Variants in PKP4 observed in about 807,000 individuals in gnomAD.
PKP4 encodes plakophilin 4.
Under a neutral mutation model 145.1 loss-of-function variants are expected in PKP4, and 90 were observed. The observed-to-expected ratio is 0.62, with a 90% confidence interval of 0.52 to 0.74. PKP4 has a LOEUF of 0.74. PKP4 is among the 30% of genes least tolerant of loss of function. The pLI is 0.00. For missense variants in PKP4, 1,340 were observed against 1,482.7 expected (o/e 0.90, Z 1.58); for synonymous variants, 563 against 577.2 (o/e 0.98, Z 0.35).
At chr2:158,500,638 C>T (rs369004733) in intron 1 of PKP4, among the ~76,000 whole-genome samples, 4 of 152,150 alleles carry the variant, frequency 2.6e-5, no homozygotes, top group Admixed American at 6.5e-5. Flanking sequence ...AGCCACAGAG[C>T]GCACAACAGC....
At chr2:158,517,471 T>C (rs752663910) in intron 1 of PKP4, among the ~76,000 whole-genome samples, 3 of 152,216 alleles carry the variant, frequency 2.0e-5, no homozygotes, top group Non-Finnish European at 1.5e-5. Flanking sequence ...TTGTAGTTTG[T>C]TAATTTGTCT....
chr2:158,661,598 G>A (rs1575045444), intron 13 of PKP4, 148 bp downstream of exon 13: 1 of 601,902 alleles, frequency 1.7e-6, no homozygotes, highest in East Asian at 2.9e-5. Context: ...AGTCTCCAAA[G>A]TTACAGGGGC....
chr2:158,541,912 C>G (rs1039827199), intron 2 of PKP4, among the ~76,000 whole-genome samples: 2 of 152,088 alleles, frequency 1.3e-5, no homozygotes, highest in African/African-American at 4.8e-5. Flanking sequence ...TGCCTATGGC[C>G]TTCTAATAAA....
chr2:158,486,724 A>C (rs1373033981), intron 1 of PKP4, among the ~76,000 whole-genome samples: 1 of 152,242 alleles, frequency 6.6e-6, no homozygotes, highest in Non-Finnish European at 1.5e-5. Context: ...TGCTTGAAAA[A>C]TGTACTGATG....
intron 16 of PKP4, among the ~76,000 whole-genome samples, chr2:158,668,555 G>T (rs2057311907): frequency 6.6e-6 from 1 of 152,242 alleles, no homozygotes; most frequent in Admixed American, 6.5e-5. Flanking sequence ...TAACCCCCAG[G>T]AGTGCAATTT....
chr2:158,607,991 T>A lies in PKP4; in HGVS notation c.280+4887T>A, dbSNP rs1454828582. Among the ~76,000 whole-genome samples, 3 of 152,190 alleles carry A rather than the reference T, an allele frequency of 2.0e-5. No homozygotes were observed. In the East Asian group the frequency reaches 5.8e-4, roughly 29 times the overall value. On this transcript the variant is annotated intron_variant, in intron 4 of 21. Coordinates refer to ENST00000389759, the MANE Select transcript of PKP4 (RefSeq NM_003628.6). Reference sequence around the variant, plus strand: ...GAAAAAAACAATAAGACCTACTATTTGATAGCATAACAGGGTGACTATAGT... The same window carrying A: ...GAAAAAAACAATAAGACCTACTATTAGATAGCATAACAGGGTGACTATAGT...
At position 158,661,410 on chromosome 2, in the gene PKP4, T is replaced by A. The variant is rs2056569164; in HGVS notation, c.2171T>A (p.Val724Glu). 6.2e-7 allele frequency: 1 copy of A among 1,613,640 alleles called. No homozygotes were observed. The highest frequency in any genetic ancestry group is 8.5e-7 in the Non-Finnish European group (1 of 1,179,646). The change falls in exon 13 of 22, where the codon GTG becomes GAG. Residue 724 changes from valine to glutamate, a missense_variant. Transcript: ENST00000389759. ...CEGLVDSLLYVIHTCVNTSDY... is the reference protein window; with the variant it reads ...CEGLVDSLLYEIHTCVNTSDY... ...GGGCTGGTAGACTCACTGTTGTATG[T>A]GATCCACACGTGTGTGAACACATCC...
intron 16 of PKP4, among the ~76,000 whole-genome samples, chr2:158,668,488 A>G (rs1373147404): frequency 6.6e-6 from 1 of 152,214 alleles, no homozygotes. Context: ...TGGAGCTGCA[A>G]GTTCTGAGGG....
At chr2:158,483,758 G>T (rs1172822630) in intron 1 of PKP4, among the ~76,000 whole-genome samples, 3 of 141,942 alleles carry the variant, frequency 2.1e-5, no homozygotes, top group African/African-American at 7.9e-5. Context: ...CATCTTATTA[G>T]AACCAATTGA....
chr2:158,458,395 CT>C, intron 1 of PKP4: 1 of 152,790 alleles, frequency 6.5e-6, no homozygotes, highest in Non-Finnish European at 1.5e-5. Flanking sequence ...TCCAGCTAGC[CT>C]TTCGTCTGGG....
At chr2:158,625,642 G>C (rs891215928) in intron 7 of PKP4, among the ~76,000 whole-genome samples, 2 of 151,950 alleles carry the variant, frequency 1.3e-5, no homozygotes, top group African/African-American at 4.8e-5. Flanking sequence ...TTTTGCAATG[G>C]ATATAACTCT....
chr2:158,563,872 T>A (rs1178673221), intron 2 of PKP4, among the ~76,000 whole-genome samples: 11 of 152,330 alleles, frequency 7.2e-5, no homozygotes, highest in Non-Finnish European at 1.3e-4. Context: ...ATTGGAATAT[T>A]ATTGAACACT....
chr2:158,537,550 C>T (rs2044156165), intron 2 of PKP4, among the ~76,000 whole-genome samples: 1 of 152,170 alleles, frequency 6.6e-6, no homozygotes, highest in Admixed American at 6.5e-5. Flanking sequence ...CTTCAGCCAC[C>T]ACCTGGCTGT....
At chr2:158,677,545 A>G (rs2058113835) in intron 20 of PKP4, among the ~76,000 whole-genome samples, 1 of 152,182 alleles carries the variant, frequency 6.6e-6, no homozygotes, top group African/African-American at 2.4e-5. Flanking sequence ...GATGTTCCAA[A>G]TAAGTCAGTG....
At chr2:158,560,455 GT>G (rs1339665894) in intron 2 of PKP4, among the ~76,000 whole-genome samples, 1 of 152,074 alleles carries the variant, frequency 6.6e-6, no homozygotes, top group Non-Finnish European at 1.5e-5. Flanking sequence ...ACAAAAAAGG[GT>G]TATTGAGAAC....
chr2:158,512,722 A>C (rs1223719507), intron 1 of PKP4, among the ~76,000 whole-genome samples: 1 of 152,234 alleles, frequency 6.6e-6, no homozygotes, highest in African/African-American at 2.4e-5. Context: ...TGTGGAGAAC[A>C]ACCACCAGTA....
chr2:158,552,462 T>C (rs2045715177), intron 2 of PKP4, among the ~76,000 whole-genome samples: 1 of 152,138 alleles, frequency 6.6e-6, no homozygotes. Flanking sequence ...TGCTGTGGAA[T>C]TGGATAATGG....
At chr2:158,554,801 A>G (rs1213260677) in intron 2 of PKP4, among the ~76,000 whole-genome samples, 1 of 152,162 alleles carries the variant, frequency 6.6e-6, no homozygotes. Context: ...CCTACTCTTA[A>G]TATACCAAAC....
intron 1 of PKP4, among the ~76,000 whole-genome samples, chr2:158,528,632 A>G (rs1323828181): frequency 4.7e-5 from 3 of 63,260 alleles, no homozygotes; most frequent in Non-Finnish European, 8.7e-5. Context: ...AACTTAAAGT[A>G]TAATAAAAAA....
Sources: allele counts gnomAD v4.1 joint callset (sites outside exome capture counted in the v4.1 genomes callset), GRCh38; gene constraint gnomAD v4.1.1; transcripts MANE v1.5; gene names NCBI Gene and HGNC (gene_info 2026-07-23, HGNC 2026-07-21).